FAM117A: variants seen among roughly 807,000 people sequenced by gnomAD.
FAM117A encodes family with sequence similarity 117 member A.
FAM117A carries 21 observed loss-of-function variants against 44.1 expected under a neutral mutation model. That is an observed-to-expected ratio of 0.48 (90% CI 0.34 to 0.69). The LOEUF (loss-of-function observed/expected upper bound fraction) is 0.69. Among genes scored for constraint, FAM117A ranks in the 30% least tolerant of loss-of-function variants. The pLI, the probability that FAM117A is intolerant of heterozygous loss-of-function variation, is 0.01. For missense variants in FAM117A, 498 were observed against 589.9 expected (o/e 0.84, Z 1.61); for synonymous variants, 220 against 238.3 (o/e 0.92, Z 0.71).
chr17:49,767,606 A>T (rs2073749030), upstream of FAM117A, among the ~76,000 whole-genome samples: 2 of 152,182 alleles, frequency 1.3e-5, no homozygotes, highest in Non-Finnish European at 2.9e-5. Flanking sequence ...ATTCAAAAAC[A>T]TCAAAAGTAG....
At chr17:49,720,149 A>G (rs1262765835) in intron 4 of FAM117A, 177 bp downstream of exon 4, 6 of 664,984 alleles carry the variant, frequency 9.0e-6, no homozygotes, top group South Asian at 3.9e-5. Flanking sequence ...AGGGAGATTC[A>G]GAACGGCAAG....
intron 1 of FAM117A, among the ~76,000 whole-genome samples, chr17:49,757,818 G>A (rs2073704852): frequency 2.0e-5 from 3 of 152,104 alleles, no homozygotes; most frequent in Admixed American, 6.5e-5. Flanking sequence ...TAGACGAAGG[G>A]GGGAAACTGA....
chr17:49,772,667 G>A (rs1006914888), intron 1 of FAM117A, among the ~76,000 whole-genome samples: 2 of 151,308 alleles, frequency 1.3e-5, no homozygotes, highest in African/African-American at 4.9e-5. Flanking sequence ...CAGGAGAATC[G>A]CCTGAACCTG....
chr17:49,711,159 G>A lies in FAM117A; in HGVS notation c.*96C>T. ...AAAGAAAGTGCTCGAAGGCCGAGAGGGAAGGGCCCCTCCATACCCCATCTC... is the reference window on the plus strand; with the variant it reads ...AAAGAAAGTGCTCGAAGGCCGAGAGAGAAGGGCCCCTCCATACCCCATCTC... On this transcript the variant is annotated 3_prime_UTR_variant, in exon 8 of 8. Coordinates refer to ENST00000240364, the MANE Select transcript of FAM117A (RefSeq NM_030802.4). 2.4e-6 allele frequency: 3 copies of A among 1,254,792 alleles called. No individual in the cohort carries two copies. The highest frequency in any genetic ancestry group is 3.3e-6 in the Non-Finnish European group (3 of 911,896). The allele number at this position is 1,254,792 out of a possible 1,614,324, so 77.7% of individuals were successfully genotyped here.
upstream of FAM117A, among the ~76,000 whole-genome samples, chr17:49,764,728 A>G (rs1050736417): frequency 1.3e-5 from 2 of 152,262 alleles, no homozygotes; most frequent in African/African-American, 2.4e-5. Context: ...CAAGGTTTGC[A>G]TATCATTTGC....
chr17:49,788,612 C>A (rs2073837182), upstream of FAM117A: 1 of 489,816 alleles, frequency 2.0e-6, no homozygotes, highest in Non-Finnish European at 3.6e-6. Flanking sequence ...CCTCTCTGGC[C>A]CGTAACGTCA....
At position 49,742,258 on chromosome 17, in the gene FAM117A, G is replaced by C. The variant is rs532561870; in HGVS notation, c.197-9538C>G. 1.2e-3 allele frequency among the ~76,000 whole-genome samples: 190 copies of C among 152,292 alleles called. 1 individual carries two copies. Among genetic ancestry groups the C allele is most frequent in the Non-Finnish European group, 1.9e-3 (126 of 68,028 alleles). ...CCACTGAAAGCATTTCTGGCTGTGTGTCCGACTTCCCAAGATGCAGACCAT... is the reference window on the plus strand; with the variant it reads ...CCACTGAAAGCATTTCTGGCTGTGTCTCCGACTTCCCAAGATGCAGACCAT... On this transcript the variant is annotated intron_variant, in intron 1 of 7. Transcript: ENST00000240364.
intron 1 of FAM117A, among the ~76,000 whole-genome samples, chr17:49,743,952 C>T (rs117906392): frequency 0.025 from 3,816 of 150,914 alleles, 74 homozygotes; most frequent in Non-Finnish European, 0.042. Flanking sequence ...TTGGGGGGGG[C>T]GTCCCTTTTC....
chr17:49,725,748 A>C (rs374757367), intron 2 of FAM117A, among the ~76,000 whole-genome samples: 1 of 152,228 alleles, frequency 6.6e-6, no homozygotes, highest in African/African-American at 2.4e-5. Context: ...AAGATGAGGA[A>C]CCTATAAATG....
intron 2 of FAM117A, among the ~76,000 whole-genome samples, chr17:49,725,276 C>T (rs967752171): frequency 6.6e-6 from 1 of 152,214 alleles, no homozygotes; most frequent in South Asian, 2.1e-4. Flanking sequence ...TGCAGATGGG[C>T]TCTGAGTGTA....
At chr17:49,715,182 C>G (rs2073496420) in intron 7 of FAM117A, among the ~76,000 whole-genome samples, 2 of 152,272 alleles carry the variant, frequency 1.3e-5, no homozygotes, top group South Asian at 4.2e-4. Flanking sequence ...CTCAGAGGAC[C>G]TAGGAGTCTT....
chr17:49,763,354 C>T (rs1428123499), intron 1 of FAM117A, among the ~76,000 whole-genome samples: 1 of 152,042 alleles, frequency 6.6e-6, no homozygotes, highest in African/African-American at 2.4e-5. Flanking sequence ...AAGGGAAGCG[C>T]ACGTGAAGTG....
chr17:49,753,296 C>T lies in FAM117A; in HGVS notation c.196+10596G>A, dbSNP rs537971743. 1.1e-3 allele frequency among the ~76,000 whole-genome samples: 170 copies of T among 152,340 alleles called. 1 individual carries two copies. The Middle Eastern group carries it at 0.031, about 27-fold the overall frequency. ...TGCCAGCCTGAGACAAAATTCACAACGGACTTTTTCTGCATATGTGGGAAA... is the reference window on the plus strand; with the variant it reads ...TGCCAGCCTGAGACAAAATTCACAATGGACTTTTTCTGCATATGTGGGAAA... On this transcript the variant is annotated intron_variant, in intron 1 of 7. Coordinates refer to ENST00000240364, the MANE Select transcript of FAM117A (RefSeq NM_030802.4).
chr17:49,756,790 T>G (rs1177408303), intron 1 of FAM117A, among the ~76,000 whole-genome samples: 1 of 151,632 alleles, frequency 6.6e-6, no homozygotes, highest in Non-Finnish European at 1.5e-5. Context: ...GTGGCACACT[T>G]GTGTAGTCCC....
intron 1 of FAM117A, 147 bp downstream of exon 1, chr17:49,763,745 C>T: frequency 2.3e-6 from 1 of 443,284 alleles, no homozygotes; most frequent in African/African-American, 2.0e-5. Context: ...TTGCTCCCTC[C>T]GCCCTCATAG....
At chr17:49,766,057 T>C (rs951663758), upstream of FAM117A, among the ~76,000 whole-genome samples, 1 of 152,148 alleles carries the variant, frequency 6.6e-6, no homozygotes, top group Non-Finnish European at 1.5e-5. Flanking sequence ...CCTTTCTCCA[T>C]GCTAGGTACA....
chr17:49,767,125 A>G (rs1422153485), upstream of FAM117A, among the ~76,000 whole-genome samples: 1 of 152,160 alleles, frequency 6.6e-6, no homozygotes, highest in Non-Finnish European at 1.5e-5. Flanking sequence ...ATCATGTCCA[A>G]CCAGCTGTCT....
chr17:49,769,306 A>C (rs2143794581), intron 1 of FAM117A, among the ~76,000 whole-genome samples: 1 of 151,862 alleles, frequency 6.6e-6, no homozygotes, highest in South Asian at 2.1e-4. Flanking sequence ...AAAATAAATA[A>C]ATAAATAAAA....
chr17:49,742,960 C>A (rs944358140), intron 1 of FAM117A, among the ~76,000 whole-genome samples: 4 of 152,210 alleles, frequency 2.6e-5, no homozygotes, highest in African/African-American at 4.8e-5. Context: ...CTCATGAATT[C>A]TCTTATGGAA....
Sources: gnomAD v4.1 joint callset for allele counts (sites outside exome capture counted in the v4.1 genomes callset) on GRCh38, gnomAD v4.1.1 for gene constraint, MANE v1.5 for transcripts, NCBI Gene and HGNC (gene_info 2026-07-23, HGNC 2026-07-21) for gene names.